The following SPOCK3 variants were observed in gnomAD, a reference collection of about 807,000 sequenced individuals.
SPOCK3 encodes the protein SPARC (osteonectin), cwcv and kazal like domains proteoglycan 3.
In SPOCK3, 30 loss-of-function variants were observed where a neutral mutation model predicts 56.6. The ratio of observed to expected loss-of-function variants is 0.53; its 90% CI spans 0.40 to 0.72. SPOCK3 has a LOEUF of 0.72. SPOCK3 is among the 30% of genes least tolerant of loss of function. The pLI is 0.00. For missense variants in SPOCK3, 527 were observed against 530.0 expected (o/e 0.99, Z 0.06); for synonymous variants, 196 against 183.3 (o/e 1.07, Z -0.56).
At chr4:166,870,986 T>C (rs1240960806) in intron 6 of SPOCK3, among the ~76,000 whole-genome samples, 2 of 151,992 alleles carry the variant, frequency 1.3e-5, no homozygotes, top group African/African-American at 2.4e-5. Flanking sequence ...GTAAAGAAGG[T>C]CCTTGCTTCC....
intron 4 of SPOCK3, among the ~76,000 whole-genome samples, chr4:166,984,186 T>C (rs1746888796): frequency 1.3e-5 from 2 of 152,090 alleles, no homozygotes; most frequent in South Asian, 4.1e-4. Flanking sequence ...CTTAAATTCT[T>C]TTAAAATTAT....
In SPOCK3 at chr4:166,840,771, G is replaced by GTTTTTTTTTTTTTT. The variant is rs70955697; in HGVS notation, c.589+48345_589+48358dup. On this transcript the variant is annotated intron_variant, in intron 6 of 10. Coordinates refer to ENST00000357545, the MANE Select transcript of SPOCK3 (RefSeq NM_001040159.2). ...CTAATTCATCTTCCCAGAAGCAAAA[G>GTTTTTTTTTTTTTT]TTTTTTTTTTTTTTTTTTTTTTTTT... Among the ~76,000 whole-genome samples the GTTTTTTTTTTTTTT allele has an allele frequency of 4.4e-4, 30 of 68,180 alleles. 5 individuals are homozygous for GTTTTTTTTTTTTTT. Among genetic ancestry groups the GTTTTTTTTTTTTTT allele is most frequent in the Non-Finnish European group, 5.4e-4 (20 of 37,030 alleles). 44.7% of individuals were successfully genotyped at this position (68,180 alleles called of 152,430 possible).
At chr4:166,851,481 G>A (rs1163446787) in intron 6 of SPOCK3, among the ~76,000 whole-genome samples, 2 of 152,314 alleles carry the variant, frequency 1.3e-5, no homozygotes, top group South Asian at 2.1e-4. Flanking sequence ...TGACTTTGAC[G>A]AGCTGAGAGA....
intron 6 of SPOCK3, among the ~76,000 whole-genome samples, chr4:166,876,130 A>T (rs1404109000): frequency 2.0e-5 from 3 of 152,188 alleles, no homozygotes; most frequent in Non-Finnish European, 4.4e-5. Flanking sequence ...CGCGAGAATT[A>T]AACAAATCTC....
intron 2 of SPOCK3, among the ~76,000 whole-genome samples, chr4:167,185,942 A>G (rs186525459): frequency 7.9e-5 from 12 of 152,344 alleles, no homozygotes. Context: ...GCTTTGTACT[A>G]TTTCCAAACT....
intron 4 of SPOCK3, among the ~76,000 whole-genome samples, chr4:166,999,016 A>G (rs1048429969): frequency 1.3e-5 from 2 of 152,202 alleles, no homozygotes; most frequent in African/African-American, 4.8e-5. Flanking sequence ...TAAAATTAGC[A>G]TCAAAGTCAG....
chr4:166,819,746 CTCTT>C (rs1443947717), intron 6 of SPOCK3, among the ~76,000 whole-genome samples: 1 of 151,528 alleles, frequency 6.6e-6, no homozygotes, highest in Non-Finnish European at 1.5e-5. Flanking sequence ...AATTGGAAGA[CTCTT>C]TTTTTTTTTG....
intron 6 of SPOCK3, among the ~76,000 whole-genome samples, chr4:166,851,816 T>C (rs928536971): frequency 1.3e-5 from 2 of 152,022 alleles, no homozygotes; most frequent in African/African-American, 4.8e-5. Flanking sequence ...CAAAAGACTA[T>C]AAATCATGCT....
At chr4:166,854,918 A>G (rs547834651) in intron 6 of SPOCK3, among the ~76,000 whole-genome samples, 1 of 152,282 alleles carries the variant, frequency 6.6e-6, no homozygotes, top group East Asian at 1.9e-4. Flanking sequence ...CTCAGAAACC[A>G]ATACTCCAAA....
At chr4:167,178,713 G>A (rs984478983) in intron 2 of SPOCK3, among the ~76,000 whole-genome samples, 1 of 151,956 alleles carries the variant, frequency 6.6e-6, no homozygotes, top group East Asian at 1.9e-4. Flanking sequence ...CTGAGCAAAA[G>A]ATTTTCAAAA....
chr4:167,175,034 C>T (rs147449306), intron 2 of SPOCK3, among the ~76,000 whole-genome samples: 13 of 152,254 alleles, frequency 8.5e-5, no homozygotes, highest in African/African-American at 3.1e-4. Flanking sequence ...CTATGTTAGA[C>T]AAGCTATTTT....
chr4:166,843,899 T>C (rs1437234570), intron 6 of SPOCK3, among the ~76,000 whole-genome samples: 3 of 152,198 alleles, frequency 2.0e-5, no homozygotes, highest in Non-Finnish European at 4.4e-5. Flanking sequence ...GAGATCATCA[T>C]GTAGAAAAGG....
intron 5 of SPOCK3, among the ~76,000 whole-genome samples, chr4:166,908,174 G>T (rs749056138): frequency 1.3e-5 from 2 of 151,366 alleles, no homozygotes; most frequent in Non-Finnish European, 3.0e-5. Context: ...ATGACAGAAA[G>T]GTTAAAACAT....
At chr4:166,888,012 C>A (rs566066624) in intron 6 of SPOCK3, among the ~76,000 whole-genome samples, 1 of 152,132 alleles carries the variant, frequency 6.6e-6, no homozygotes, top group South Asian at 2.1e-4. Flanking sequence ...TAAAAATAGT[C>A]TCTCTTAAAG....
chr4:166,945,664 T>C (rs1169430711), intron 4 of SPOCK3, among the ~76,000 whole-genome samples: 1 of 152,182 alleles, frequency 6.6e-6, no homozygotes, highest in Non-Finnish European at 1.5e-5. Context: ...TAATATCTCA[T>C]GCTTAGATGG....
chr4:167,180,841 TACAG>T (rs1228589286), intron 2 of SPOCK3, among the ~76,000 whole-genome samples: 3 of 152,166 alleles, frequency 2.0e-5, no homozygotes, highest in Non-Finnish European at 2.9e-5. Flanking sequence ...AAGCATATGT[TACAG>T]ACAAATTTTC....
At chr4:166,970,723 A>C (rs571240215) in intron 4 of SPOCK3, among the ~76,000 whole-genome samples, 1 of 130,106 alleles carries the variant, frequency 7.7e-6, no homozygotes, top group Non-Finnish European at 1.6e-5. Context: ...AGACACCGTC[A>C]AAAAAGAAAA....
chr4:166,803,535 C>A (rs532671250), intron 6 of SPOCK3, among the ~76,000 whole-genome samples: 1 of 152,110 alleles, frequency 6.6e-6, no homozygotes, highest in African/African-American at 2.4e-5. Flanking sequence ...TCCGGGCAAA[C>A]GTCTTAAAGA....
chr4:166,984,271 T>G (rs1746898918), intron 4 of SPOCK3, among the ~76,000 whole-genome samples: 1 of 152,092 alleles, frequency 6.6e-6, no homozygotes, highest in Non-Finnish European at 1.5e-5. Context: ...AGAGCAAGGT[T>G]GTATGGCTTT....
Sources: gnomAD v4.1 joint callset for allele counts (sites outside exome capture counted in the v4.1 genomes callset) on GRCh38, gnomAD v4.1.1 for gene constraint, MANE v1.5 for transcripts, NCBI Gene and HGNC (gene_info 2026-07-23, HGNC 2026-07-21) for gene names.